Variants in RERE observed in about 807,000 individuals in gnomAD.
The protein encoded by RERE is arginine-glutamic acid dipeptide repeats protein.
RERE carries 40 observed loss-of-function variants against 146.1 expected under a neutral mutation model. The observed-to-expected ratio is 0.27, with a 90% CI of 0.21 to 0.36. The LOEUF (loss-of-function observed/expected upper bound fraction) is 0.36. RERE is among the 10% of genes least tolerant of loss of function. RERE has a pLI of 1.00. For missense variants in RERE, 1,933 were observed against 2,138.7 expected, an observed-to-expected ratio of 0.90 and a Z score of 1.90; for synonymous variants, 1,003 against 866.0, an observed-to-expected ratio of 1.16 and a Z score of -2.78.
rs115344563 is a variant in RERE at position 8,575,148 on chromosome 1, C to T, written c.523-17625G>A. On this transcript the variant is annotated intron_variant, in intron 4 of 22. Transcript: ENST00000400908. ...GTGCTCAAAGAATGTGAAAGACACG[C>T]GAAACTCAGCCTGAAAGGACAGACC... Among the ~76,000 whole-genome samples, 1,067 of 152,112 alleles carry T rather than the reference C, an allele frequency of 7.0e-3. 9 individuals carry two copies. The highest frequency in any genetic ancestry group is 0.011 in the Non-Finnish European group (768 of 67,998).
At chr1:8,497,353 T>C in intron 9 of RERE, 52 bp downstream of exon 9, 1 of 1,603,672 alleles carries the variant, frequency 6.2e-7, no homozygotes, top group East Asian at 2.2e-5. Flanking sequence ...CTGCCTATAA[T>C]CAGTTCAGAT....
intron 8 of RERE, among the ~76,000 whole-genome samples, chr1:8,500,297 C>A (rs1157045943): frequency 6.6e-6 from 1 of 152,160 alleles, no homozygotes; most frequent in East Asian, 1.9e-4. Flanking sequence ...GCAGGACCAA[C>A]CTCCCCCCCA....
chr1:8,752,390 G>T (rs1001798577), intron 1 of RERE, among the ~76,000 whole-genome samples: 6 of 152,032 alleles, frequency 3.9e-5, no homozygotes, highest in African/African-American at 1.4e-4. Context: ...GTATCATCTA[G>T]TAGTTATAAG....
intron 1 of RERE, among the ~76,000 whole-genome samples, chr1:8,695,758 T>C (rs1327816382): frequency 6.6e-6 from 1 of 151,780 alleles, no homozygotes; most frequent in African/African-American, 2.4e-5. Context: ...AGACTCCAAC[T>C]CAAAAAAACA....
At chr1:8,408,251 C>T (rs1038988565) in intron 12 of RERE, among the ~76,000 whole-genome samples, 5 of 151,988 alleles carry the variant, frequency 3.3e-5, no homozygotes, top group East Asian at 1.9e-4. Context: ...ATCAAGCTTA[C>T]GGGAAATAAA....
In RERE at chr1:8,360,315, G is replaced by A. The variant is rs1641507868; in HGVS notation, c.3192C>T (p.Thr1064=). Residue 1064 remains threonine, a synonymous_variant, in exon 18 of 23, where the codon ACC becomes ACT. Transcript: ENST00000400908. ...CACCAGAGCAGGGTGGCTGGGCCGA[G>A]GTGCCAGGTCCCGCCGGTGGGGTAG... is the stretch of plus-strand genomic sequence containing the variant. ...STSTPPAGPG[T]SAQPPCSGAA... 10 of 1,537,194 alleles carry A rather than the reference G, an allele frequency of 6.5e-6. No homozygotes were observed. The highest frequency in any genetic ancestry group is 8.8e-6 in the Non-Finnish European group (10 of 1,140,534).
chr1:8,598,140 C>A (rs1174566627), intron 4 of RERE, among the ~76,000 whole-genome samples: 2 of 152,176 alleles, frequency 1.3e-5, no homozygotes, highest in African/African-American at 2.4e-5. Flanking sequence ...TGACAGAATG[C>A]AAGTGTGTAT....
chr1:8,386,860 G>A (rs554638691), intron 12 of RERE, among the ~76,000 whole-genome samples: 1 of 152,166 alleles, frequency 6.6e-6, no homozygotes, highest in South Asian at 2.1e-4. Context: ...TGTGAGGAAA[G>A]GAAAGAGGAT....
intron 7 of RERE, among the ~76,000 whole-genome samples, chr1:8,535,949 T>C (rs1479990338): frequency 6.6e-6 from 1 of 151,660 alleles, no homozygotes; most frequent in Non-Finnish European, 1.5e-5. Flanking sequence ...CTACTAAAAA[T>C]ACAAAAATTA....
At chr1:8,536,499 TA>T (rs967356846) in intron 7 of RERE, among the ~76,000 whole-genome samples, 2 of 152,214 alleles carry the variant, frequency 1.3e-5, no homozygotes, top group Non-Finnish European at 2.9e-5. Context: ...AAGACCAATC[TA>T]TTTTATATTT....
chr1:8,745,230 T>G (rs1640396665), intron 1 of RERE, among the ~76,000 whole-genome samples: 1 of 152,160 alleles, frequency 6.6e-6, no homozygotes, highest in Non-Finnish European at 1.5e-5. Flanking sequence ...TATAAGGGGC[T>G]CTTCCTCCTT....
At chr1:8,694,349 G>A (rs1429925410) in intron 1 of RERE, among the ~76,000 whole-genome samples, 2 of 152,172 alleles carry the variant, frequency 1.3e-5, no homozygotes, top group East Asian at 3.9e-4. Context: ...GAAGCTGAGA[G>A]CCAATCCAGA....
At chr1:8,806,340 T>C (rs1641692704) in intron 1 of RERE, among the ~76,000 whole-genome samples, 2 of 152,046 alleles carry the variant, frequency 1.3e-5, no homozygotes, top group African/African-American at 4.8e-5. Flanking sequence ...AAGACCTGCC[T>C]GGACAACATG....
At chr1:8,488,728 C>T (rs1387859754) in intron 10 of RERE, among the ~76,000 whole-genome samples, 1 of 152,034 alleles carries the variant, frequency 6.6e-6, no homozygotes, top group Non-Finnish European at 1.5e-5. Flanking sequence ...ATCAATGAGA[C>T]AGAATAGAAT....
intron 10 of RERE, among the ~76,000 whole-genome samples, chr1:8,469,150 GA>G (rs372552368): frequency 1.8e-4 from 26 of 147,644 alleles, no homozygotes; most frequent in South Asian, 1.1e-3. Flanking sequence ...CTTTTAAAAA[GA>G]AAAAAAAAAT....
chr1:8,366,858 G>T (rs1290792851), intron 12 of RERE, among the ~76,000 whole-genome samples: 1 of 129,626 alleles, frequency 7.7e-6, no homozygotes, highest in Non-Finnish European at 1.5e-5. Context: ...ACACACAAAA[G>T]ACGATTTCTT....
intron 4 of RERE, among the ~76,000 whole-genome samples, chr1:8,597,702 C>T (rs1332285250): frequency 6.6e-6 from 1 of 151,926 alleles, no homozygotes; most frequent in African/African-American, 2.4e-5. Context: ...TGTGCACACT[C>T]GAAACAAGAT....
chr1:8,636,283 C>T (rs983416570), intron 2 of RERE, among the ~76,000 whole-genome samples: 3 of 150,090 alleles, frequency 2.0e-5, no homozygotes. Flanking sequence ...CCACCGCACC[C>T]GGCCATCTTC....
chr1:8,501,213 G>T (rs1033763671), intron 8 of RERE, among the ~76,000 whole-genome samples: 1 of 131,544 alleles, frequency 7.6e-6, no homozygotes, highest in East Asian at 2.3e-4. Context: ...AGGTGGGGGG[G>T]TCAGCCCCCC....
Sources: gnomAD v4.1 joint callset for allele counts (sites outside exome capture counted in the v4.1 genomes callset) on GRCh38, gnomAD v4.1.1 for gene constraint, MANE v1.5 for transcripts, NCBI Gene and HGNC (gene_info 2026-07-23, HGNC 2026-07-21) for gene names.